The following ALK variants were observed in gnomAD, a reference collection of about 807,000 sequenced individuals.
ALK encodes the protein ALK receptor tyrosine kinase.
ALK carries 74 observed loss-of-function variants against 163.1 expected under a neutral mutation model. That is an observed-to-expected ratio of 0.45 (90% confidence interval 0.38 to 0.55). The LOEUF (loss-of-function observed/expected upper bound fraction) is 0.55, where lower values mean the gene tolerates loss of function less well. ALK is among the 20% of genes least tolerant of loss of function. The pLI is 0.00. For synonymous variants in ALK, 960 were observed against 843.2 expected, an observed-to-expected ratio of 1.14 and a Z score of -2.40; for missense variants, 2,063 against 2,105.3, an observed-to-expected ratio of 0.98 and a Z score of 0.39.
rs936035519 is a variant in ALK, at chr2:29,824,071, T to C, written c.667+95922A>G. Among the ~76,000 whole-genome samples the C allele has an allele frequency of 3.3e-5, 5 of 152,256 alleles. No homozygotes were observed. The East Asian group carries it at 9.7e-4, about 29-fold the overall frequency. The stretch of plus-strand genomic sequence containing the variant: ...CCCTGCATCTCAGCCACTCCAGTCA[T>C]GACTAACAGGAGCCAAGGTATAGCT... On this transcript the variant is annotated intron_variant, in intron 1 of 28. Transcript: ENST00000389048.
Position 29,585,126 on chromosome 2 carries a change from A to T in ALK, c.953-53010T>A, listed in dbSNP as rs1361218220. On this transcript the variant is annotated intron_variant, in intron 3 of 28. Coordinates refer to ENST00000389048, the MANE Select transcript of ALK (RefSeq NM_004304.5). ...CTCCTCTATCTTTCTTAATTATTTT[A>T]AATTTATTTTATGTTGCTCAATTAT... is the stretch of plus-strand genomic sequence containing the variant. 2.6e-5 allele frequency among the ~76,000 whole-genome samples: 4 copies of T among 152,024 alleles called. No homozygotes were observed. In the East Asian group the frequency reaches 7.7e-4, roughly 29 times the overall value.
At position 29,884,745 on chromosome 2, in the gene ALK, A is replaced by C. The variant is rs190844272; in HGVS notation, c.667+35248T>G. On this transcript the variant is annotated intron_variant, in intron 1 of 28. Coordinates refer to ENST00000389048, the MANE Select transcript of ALK (RefSeq NM_004304.5). The stretch of plus-strand genomic sequence containing the variant: ...TTTTAAGAAAAAGTTTGGGTTATAA[A>C]AATGTCAAGATAACAGGGAAGCAGC... Among the ~76,000 whole-genome samples, 676 of 152,328 alleles carry C rather than the reference A, an allele frequency of 4.4e-3. 5 individuals carry two copies. Among genetic ancestry groups the C allele is most frequent in the African/African-American group, 0.015 (643 of 41,580 alleles).
At chr2:29,359,006 T>C (rs1392421682) in intron 5 of ALK, among the ~76,000 whole-genome samples, 1 of 152,136 alleles carries the variant, frequency 6.6e-6, no homozygotes, top group African/African-American at 2.4e-5. Context: ...AGAGATCAGC[T>C]GTACAACATT....
chr2:29,275,337 G>C, intron 10 of ALK, 65 bp downstream of exon 10: 2 of 1,607,776 alleles, frequency 1.2e-6, no homozygotes, highest in Non-Finnish European at 1.7e-6. Flanking sequence ...AGGCTGAGGA[G>C]GGGACAATGA....
chr2:29,271,771 C>G (rs1182721272), intron 11 of ALK, among the ~76,000 whole-genome samples: 1 of 152,198 alleles, frequency 6.6e-6, no homozygotes, highest in Non-Finnish European at 1.5e-5. Flanking sequence ...GTTTTAATTG[C>G]TTTTATCCCC....
At chr2:29,606,599 A>G (rs1675547964) in intron 3 of ALK, among the ~76,000 whole-genome samples, 1 of 152,226 alleles carries the variant, frequency 6.6e-6, no homozygotes, top group African/African-American at 2.4e-5. Context: ...ATCTGGTTCA[A>G]TGGTTGGCAA....
chr2:29,769,130 G>A (rs1680946377), intron 1 of ALK, among the ~76,000 whole-genome samples: 1 of 145,698 alleles, frequency 6.9e-6, no homozygotes, highest in Non-Finnish European at 1.5e-5. Context: ...CACAGCATCT[G>A]GCTAAATTTT....
chr2:29,828,982 G>A (rs1053352344), intron 1 of ALK, among the ~76,000 whole-genome samples: 5 of 151,904 alleles, frequency 3.3e-5, no homozygotes, highest in African/African-American at 1.2e-4. Flanking sequence ...ATACTATGCA[G>A]CCATAAAAAA....
At chr2:29,853,808 C>T (rs1183877101) in intron 1 of ALK, among the ~76,000 whole-genome samples, 2 of 152,138 alleles carry the variant, frequency 1.3e-5, no homozygotes, top group Non-Finnish European at 2.9e-5. Context: ...CTTCTCTCTT[C>T]ACTTGGGGGT....
intron 2 of ALK, among the ~76,000 whole-genome samples, chr2:29,714,062 T>C (rs1406233570): frequency 3.3e-5 from 5 of 152,124 alleles, no homozygotes; most frequent in Admixed American, 6.5e-5. Flanking sequence ...TAGCATCTGG[T>C]GCTACCTGAT....
At chr2:29,624,941 A>G (rs1244352918) in intron 3 of ALK, among the ~76,000 whole-genome samples, 1 of 152,166 alleles carries the variant, frequency 6.6e-6, no homozygotes, top group Admixed American at 6.5e-5. Context: ...AAACCTACAC[A>G]CTAGGTGGGG....
chr2:29,798,554 C>T (rs1664382080), intron 1 of ALK, among the ~76,000 whole-genome samples: 1 of 152,224 alleles, frequency 6.6e-6, no homozygotes, highest in South Asian at 2.1e-4. Context: ...TCCTCGCATC[C>T]AGGTCTTTTC....
intron 26 of ALK, among the ~76,000 whole-genome samples, chr2:29,205,926 T>C (rs1251969373): frequency 2.0e-5 from 3 of 152,130 alleles, no homozygotes; most frequent in Admixed American, 2.0e-4. Flanking sequence ...TGTAATTTTC[T>C]CTTCATCGGT....
At chr2:29,760,046 G>A (rs112323556) in intron 1 of ALK, among the ~76,000 whole-genome samples, 2,235 of 152,206 alleles carry the variant, frequency 0.015, 50 homozygotes, top group African/African-American at 0.049. Context: ...AGTTTTGTTT[G>A]TTTGGTTTTG....
intron 5 of ALK, among the ~76,000 whole-genome samples, chr2:29,332,900 A>G (rs1288638483): frequency 6.6e-6 from 1 of 152,254 alleles, no homozygotes; most frequent in Non-Finnish European, 1.5e-5. Flanking sequence ...ATCAAAAGGT[A>G]TAAACATTTT....
chr2:29,386,197 G>C (rs1028648977), intron 4 of ALK, among the ~76,000 whole-genome samples: 9 of 152,166 alleles, frequency 5.9e-5, no homozygotes, highest in African/African-American at 1.9e-4. Flanking sequence ...TTTTCTCTCT[G>C]TAGTTAATTC....
rs371043735 is a variant in ALK, at chr2:29,795,995, ATC to A, written c.668-78300_668-78299del. 5.1e-3 allele frequency among the ~76,000 whole-genome samples: 774 copies of A among 152,194 alleles called. 6 individuals are homozygous for A. Among genetic ancestry groups the A allele is most frequent in the African/African-American group, 0.018 (739 of 41,538 alleles). ...CCTTCTGCCCTTCTTTTCCTTCCTA[ATC>A]TCTCTCTATGAGGTCCACACACACA... On this transcript the variant is annotated intron_variant, in intron 1 of 28. Coordinates refer to ENST00000389048, the MANE Select transcript of ALK (RefSeq NM_004304.5).
At chr2:29,494,937 T>C (rs1671989406) in intron 4 of ALK, among the ~76,000 whole-genome samples, 1 of 152,104 alleles carries the variant, frequency 6.6e-6, no homozygotes, top group African/African-American at 2.4e-5. Context: ...CAGAAGGGAC[T>C]ATTTTGTTTG....
In ALK at chr2:29,920,306, T is replaced by G. The variant is rs779794415; in HGVS notation, c.354A>C (p.Ala118=). The stretch of plus-strand genomic sequence containing the variant: ...GCACCCTGGACAGCGTCCGGGCCTC[T>G]GCCGGGGCTGGTGAACCGGCGGTCC... ...VSWTAGSPAP[A]EARTLSRVLK... is the part of the protein sequence containing the mutation. Residue 118 remains alanine (A), a synonymous_variant, in exon 1 of 29, where the codon GCA becomes GCC. Coordinates refer to ENST00000389048, the MANE Select transcript of ALK (RefSeq NM_004304.5). The G allele has an allele frequency of 1.9e-6, 3 of 1,560,898 alleles. No individual in the cohort carries two copies. The highest frequency in any genetic ancestry group is 2.4e-5 in the East Asian group (1 of 41,866).
Sources: gnomAD v4.1 joint callset for allele counts (sites outside exome capture counted in the v4.1 genomes callset) on GRCh38, gnomAD v4.1.1 for gene constraint, MANE v1.5 for transcripts, NCBI Gene and HGNC (gene_info 2026-07-23, HGNC 2026-07-21) for gene names.